The following FCRL3 variants were observed in gnomAD, a reference collection of about 807,000 sequenced individuals.
The protein encoded by FCRL3 is Fc receptor-like protein 3.
FCRL3 carries 89 observed loss-of-function variants against 75.0 expected under a neutral mutation model. The ratio of observed to expected loss-of-function variants is 1.19; its 90% CI spans 1.00 to 1.42. The LOEUF (loss-of-function observed/expected upper bound fraction) is 1.42, where lower values mean the gene tolerates loss of function less well. FCRL3 is among the 40% of genes most tolerant of loss of function. The pLI is 0.00. For synonymous variants in FCRL3, 376 were observed against 348.5 expected, an observed-to-expected ratio of 1.08 and a Z score of -0.88; for missense variants, 946 against 880.0, an observed-to-expected ratio of 1.07 and a Z score of -0.95.
rs556017706 is a variant in FCRL3 at position 157,689,889 on chromosome 1, G to T, written c.1719C>A (p.Thr573=). 1.2e-6 allele frequency: 2 copies of T among 1,614,150 alleles called. No homozygotes were observed. Among genetic ancestry groups the T allele is most frequent in the Admixed American group, 1.7e-5 (1 of 60,022 alleles). Residue 573 remains threonine, a synonymous_variant, in exon 10 of 15, where the codon ACC becomes ACA. Coordinates refer to ENST00000368184, the MANE Select transcript of FCRL3 (RefSeq NM_052939.4). ...TGTSRNRTGL[T]AAGITGLVLS... ...GCACCAGCCCCGTGATTCCCGCAGCGGTAAGGCCTGTTCTGTTCCTGGAAG... is the reference window on the plus strand; with the variant it reads ...GCACCAGCCCCGTGATTCCCGCAGCTGTAAGGCCTGTTCTGTTCCTGGAAG...
At position 157,696,289 on chromosome 1, in the gene FCRL3, T is replaced by C; in HGVS notation, c.883A>G (p.Thr295Ala). Residue 295 changes from threonine to alanine, a missense_variant, in exon 7 of 15, where the codon ACC becomes GCC. Physicochemically the swap from Thr to Ala is moderately conservative, Grantham distance 58. Coordinates refer to ENST00000368184, the MANE Select transcript of FCRL3 (RefSeq NM_052939.4). ...TCTCCTTCAATCAGCTGCCCTCCGG[T>C]GGGCCGGATCTCTAGATTCACATTA... ...VSNVNLEIRPTGGQLIEGENM... is the reference protein window; with the variant it reads ...VSNVNLEIRPAGGQLIEGENM... 6.2e-7 allele frequency: 1 copy of C among 1,614,032 alleles called. No homozygotes were observed. The highest frequency in any genetic ancestry group is 1.1e-5 in the South Asian group (1 of 91,066).
At chr1:157,693,912 T>A (rs1025635348) in intron 8 of FCRL3, among the ~76,000 whole-genome samples, 4 of 152,090 alleles carry the variant, frequency 2.6e-5, no homozygotes, top group African/African-American at 7.2e-5. Context: ...CATGCCCAAC[T>A]GAATTTTGTA....
At position 157,690,402 on chromosome 1, in the gene FCRL3, C is replaced by A. The variant is rs775482909; in HGVS notation, c.1543G>T (p.Asp515Tyr). 1 of 1,614,228 alleles carries A rather than the reference C, an allele frequency of 6.2e-7. No homozygotes were observed. Among genetic ancestry groups the A allele is most frequent in the Non-Finnish European group, 8.5e-7 (1 of 1,180,042 alleles). The stretch of plus-strand genomic sequence containing the variant: ...TGGGCCGAGATGTTCCCCAAGGTGT[C>A]ATCCTCGTGATAAAACCAGTACAGG... ...PILYWFYHED[D>Y]TLGNISAHSG... Residue 515 changes from aspartate (D) to tyrosine (Y), a missense_variant, in exon 9 of 15, where the codon GAC becomes TAC. Transcript: ENST00000368184.
chr1:157,689,371 A>C (rs1557826848), intron 10 of FCRL3, among the ~76,000 whole-genome samples: 1 of 152,198 alleles, frequency 6.6e-6, no homozygotes, highest in Non-Finnish European at 1.5e-5. Flanking sequence ...CAACAATCGG[A>C]AATTGAATTT....
At position 157,695,764 on chromosome 1, in the gene FCRL3, C is replaced by G. The variant is rs1655850598; in HGVS notation, c.1133-157G>C. 4 of 980,738 alleles carry G rather than the reference C, an allele frequency of 4.1e-6. No homozygotes were observed. The East Asian group carries it at 1.1e-4, about 26-fold the overall frequency. The allele number at this position is 980,738 out of a possible 1,614,324, so 60.8% of individuals were successfully genotyped here. A position where few individuals can be genotyped will look rare whatever the true frequency, so the allele number is the denominator to read the frequency against. On this transcript the variant is annotated intron_variant, in intron 7 of 14. Coordinates refer to ENST00000368184, the MANE Select transcript of FCRL3 (RefSeq NM_052939.4). ...TTATCTAACAATCAGAAGCATTTCCCCAAAACAGTGAGAGGTAATCTTGGG... is the reference window on the plus strand; with the variant it reads ...TTATCTAACAATCAGAAGCATTTCCGCAAAACAGTGAGAGGTAATCTTGGG...
chr1:157,676,743 A>C lies in FCRL3; in HGVS notation c.*1967T>G. ...GTTACAAAGACATGGAAAATCTTGA[A>C]CTTTGTTCTTTCTTGGGTTCAGAAT... On this transcript the variant is annotated 3_prime_UTR_variant, in exon 15 of 15. Transcript: ENST00000368184. 6.4e-7 allele frequency: 1 copy of C among 1,550,448 alleles called. No individual in the cohort carries two copies. The highest frequency in any genetic ancestry group is 8.7e-7 in the Non-Finnish European group (1 of 1,146,902).
In FCRL3 at chr1:157,698,630, C is replaced by G; in HGVS notation, c.53-1G>C. On this transcript the variant is annotated splice_acceptor_variant, in intron 3 of 14. Coordinates refer to ENST00000368184, the MANE Select transcript of FCRL3 (RefSeq NM_052939.4). LOFTEE classifies it high-confidence loss of function. Reference sequence around the variant, plus strand: ...AGAAGTACAGCTTTTGGGGCCACCCCTAAACAGGAAATAGAAAGATGAAGG... The same window carrying G: ...AGAAGTACAGCTTTTGGGGCCACCCGTAAACAGGAAATAGAAAGATGAAGG... The G allele has an allele frequency of 1.2e-6, 2 of 1,613,906 alleles. No homozygotes were observed. Among genetic ancestry groups the G allele is most frequent in the Non-Finnish European group, 1.7e-6 (2 of 1,179,836 alleles).
In FCRL3 at chr1:157,697,877, T is replaced by TCTC. The variant is rs1553197025; in HGVS notation, c.338_340dup (p.Gly113dup). The TCTC allele has an allele frequency of 2.5e-6, 4 of 1,614,020 alleles. No individual in the cohort carries two copies. The highest frequency in any genetic ancestry group is 3.4e-6 in the Non-Finnish European group (4 of 1,180,036). ...CCCCTGACATCTCAGAATGACATTGTCTCCTTCAAAGACAGGATGTAAAGC... is the reference window on the plus strand; with the variant it reads ...CCCCTGACATCTCAGAATGACATTGTCTCCTCCTTCAAAGACAGGATGTAAAGC... On this transcript the variant is annotated inframe_insertion, in exon 5 of 15. Transcript: ENST00000368184.
chr1:157,695,743 C>G (rs761517998), intron 7 of FCRL3, 136 bp from the exon 8 acceptor site: 63 of 1,104,178 alleles, frequency 5.7e-5, no homozygotes, highest in Non-Finnish European at 7.1e-5. Context: ...TTTTTCTTAT[C>G]TAACAATCAG....
intron 8 of FCRL3, among the ~76,000 whole-genome samples, chr1:157,693,719 C>T (rs1239482799): frequency 1.3e-5 from 2 of 148,896 alleles, no homozygotes; most frequent in South Asian, 2.1e-4. Flanking sequence ...TCCCTTCCTT[C>T]CTTCCTTTCT....
intron 12 of FCRL3, 88 bp downstream of exon 12, chr1:157,680,893 A>G: frequency 6.9e-7 from 1 of 1,449,350 alleles, no homozygotes; most frequent in Non-Finnish European, 9.5e-7. Flanking sequence ...TCATTTTTAA[A>G]TTTGTGACAG....
chr1:157,689,819 C>T lies in FCRL3; in HGVS notation c.1789G>A (p.Ala597Thr), dbSNP rs142711385. The change falls in exon 10 of 15, where the codon GCC (alanine) becomes ACC (threonine). Residue 597 changes from alanine to threonine, a missense_variant. Ala to Thr is a moderately conservative substitution (Grantham distance 58). Coordinates refer to ENST00000368184, the MANE Select transcript of FCRL3 (RefSeq NM_052939.4). ...CCACCTGGTTTCCTTCGGGCCCTGG[C>T]GTAATGCAGCAGAGCAGCAGCAGCA... ...LAAAAALLHY[A>T]RARRKPGGLS... The T allele has an allele frequency of 1.1e-5, 18 of 1,613,982 alleles. No individual in the cohort carries two copies. The highest frequency in any genetic ancestry group is 1.6e-4 in the Middle Eastern group (1 of 6,082).
At chr1:157,699,502 GAAAA>G (rs74599050) in intron 3 of FCRL3, among the ~76,000 whole-genome samples, 186 bp downstream of exon 3, 1 of 131,734 alleles carries the variant, frequency 7.6e-6, no homozygotes, top group South Asian at 2.5e-4. Context: ...AATGTAGGGA[GAAAA>G]AAAAAAAAAA....
At position 157,696,139 on chromosome 1, in the gene FCRL3, C is replaced by T; in HGVS notation, c.1033G>A (p.Val345Ile). 3 of 1,614,018 alleles carry T rather than the reference C, an allele frequency of 1.9e-6. No individual in the cohort carries two copies. The highest frequency in any genetic ancestry group is 2.5e-6 in the Non-Finnish European group (3 of 1,180,020). ...TQRSLLAELH[V>I]LTVKESDAGR... ...GCATCACTCTCCTTCACGGTGAGAA[C>T]ATGCAGCTCTGCCAACAGGGAACGC... Residue 345 changes from valine (V) to isoleucine (I), a missense_variant, in exon 7 of 15, where the codon GTT (valine) becomes ATT (isoleucine). Transcript: ENST00000368184.
chr1:157,698,211 T>C (rs896211018), intron 4 of FCRL3, among the ~76,000 whole-genome samples, 173 bp downstream of exon 4: 3 of 152,274 alleles, frequency 2.0e-5, no homozygotes, highest in Non-Finnish European at 4.4e-5. Context: ...TGGAGGTAGA[T>C]GGATAGACAA....
rs777107869 is a variant in FCRL3, at chr1:157,697,897, T to A, written c.321A>T (p.Leu107Phe). The change falls in exon 5 of 15, where the codon TTA (leucine) becomes TTT (phenylalanine). Residue 107 changes from leucine (L) to phenylalanine (F), a missense_variant. By Grantham distance (22) the Leu-to-Phe change is conservative (BLOSUM62 0). Transcript: ENST00000368184. ...FSPDWLILQA[L>F]HPVFEGDNVI... ...CATTGTCTCCTTCAAAGACAGGATGTAAAGCCTGCAGGATCAGCCAGTCTG... is the reference window on the plus strand; with the variant it reads ...CATTGTCTCCTTCAAAGACAGGATGAAAAGCCTGCAGGATCAGCCAGTCTG... 8.7e-6 allele frequency: 14 copies of A among 1,614,012 alleles called. No individual in the cohort carries two copies. The highest frequency in any genetic ancestry group is 1.2e-5 in the Non-Finnish European group (14 of 1,180,004).
Position 157,678,391 on chromosome 1 carries a change from T to C in FCRL3, c.*319A>G, listed in dbSNP as rs1176646515. 4 of 1,177,610 alleles carry C rather than the reference T, an allele frequency of 3.4e-6. No individual in the cohort carries two copies. The highest frequency in any genetic ancestry group is 4.2e-6 in the Non-Finnish European group (4 of 946,264). The allele number at this position is 1,177,610 out of a possible 1,614,324, so 72.9% of individuals were successfully genotyped here. On this transcript the variant is annotated 3_prime_UTR_variant, in exon 15 of 15. Transcript: ENST00000368184. ...TCACACTTGGATCAAATGGTCATGA[T>C]TGTGCCCTTGTAACCCTGGCTAGAC...
intron 10 of FCRL3, among the ~76,000 whole-genome samples, chr1:157,685,609 C>T (rs1028880894): frequency 6.6e-6 from 1 of 152,110 alleles, no homozygotes; most frequent in Non-Finnish European, 1.5e-5. Context: ...AGACCTAACA[C>T]ACATCTACAG....
At chr1:157,690,121 C>A in intron 9 of FCRL3, 134 bp downstream of exon 9, 1 of 1,336,486 alleles carries the variant, frequency 7.5e-7, no homozygotes, top group Non-Finnish European at 1.0e-6. Flanking sequence ...AAAATCAGTA[C>A]CAATCTCCAG....
Sources: allele counts gnomAD v4.1 joint callset (sites outside exome capture counted in the v4.1 genomes callset), GRCh38; gene constraint gnomAD v4.1.1; transcripts MANE v1.5; gene names NCBI Gene and HGNC (gene_info 2026-07-23, HGNC 2026-07-21).